Variants in PLEKHM3 observed in about 807,000 individuals in gnomAD.
The protein encoded by PLEKHM3 is pleckstrin homology domain-containing family M member 3.
In PLEKHM3, 45 loss-of-function variants were observed where a neutral mutation model predicts 81.8. The ratio of observed to expected loss-of-function variants is 0.55; its 90% confidence interval spans 0.43 to 0.71. The LOEUF (loss-of-function observed/expected upper bound fraction) is 0.71. Ranked by LOEUF, PLEKHM3 falls within the 30% of genes least tolerant of loss-of-function variation. The pLI, the probability that PLEKHM3 is intolerant of heterozygous loss-of-function variation, is 0.00. For synonymous variants in PLEKHM3, 352 were observed against 356.4 expected (o/e 0.99, Z 0.14); for missense variants, 788 against 924.3 (o/e 0.85, Z 1.91).
chr2:207,848,742 G>A (rs2092397445), intron 7 of PLEKHM3, among the ~76,000 whole-genome samples: 2 of 152,206 alleles, frequency 1.3e-5, no homozygotes, highest in Non-Finnish European at 2.9e-5. Context: ...GAGCAGGGTG[G>A]TATGGATTGC....
intron 7 of PLEKHM3, among the ~76,000 whole-genome samples, chr2:207,858,344 T>C (rs2092448305): frequency 6.6e-6 from 1 of 152,052 alleles, no homozygotes. Context: ...TAACTAATCA[T>C]ATTTTTTTCT....
chr2:207,957,044 G>A (rs77325617), intron 3 of PLEKHM3, among the ~76,000 whole-genome samples: 2,875 of 152,182 alleles, frequency 0.019, 91 homozygotes, highest in African/African-American at 0.065. Flanking sequence ...ACTGACAGAC[G>A]TTGGGGGCAT....
chr2:207,884,311 C>A (rs1417691166), intron 6 of PLEKHM3, among the ~76,000 whole-genome samples: 1 of 152,068 alleles, frequency 6.6e-6, no homozygotes, highest in Non-Finnish European at 1.5e-5. Flanking sequence ...CACATCTATT[C>A]AGTATTTTAC....
chr2:207,920,519 CT>C (rs1689144302), intron 5 of PLEKHM3, among the ~76,000 whole-genome samples: 1 of 152,078 alleles, frequency 6.6e-6, no homozygotes, highest in East Asian at 1.9e-4. Flanking sequence ...TTCTGAAAAG[CT>C]AGTCCAAACA....
chr2:207,895,560 A>G (rs766464058), intron 6 of PLEKHM3, among the ~76,000 whole-genome samples: 1 of 152,048 alleles, frequency 6.6e-6, no homozygotes, highest in African/African-American at 2.4e-5. Context: ...AGCTTCCCTT[A>G]TGGTGCCCCA....
intron 1 of PLEKHM3, among the ~76,000 whole-genome samples, chr2:208,014,650 C>CA (rs1156986412): frequency 6.6e-6 from 1 of 151,978 alleles, no homozygotes; most frequent in Non-Finnish European, 1.5e-5. Context: ...TCTCAAAAAA[C>CA]AAAAAAGAGT....
At chr2:208,016,625 G>C (rs538686372) in intron 1 of PLEKHM3, among the ~76,000 whole-genome samples, 67 of 135,822 alleles carry the variant, frequency 4.9e-4, no homozygotes, top group African/African-American at 1.6e-3. Flanking sequence ...ACTCCAACCT[G>C]GGTGACAGAG....
intron 5 of PLEKHM3, among the ~76,000 whole-genome samples, chr2:207,915,810 T>C (rs1435738679): frequency 6.6e-6 from 1 of 152,248 alleles, no homozygotes; most frequent in Non-Finnish European, 1.5e-5. Context: ...GTAGTTTTAC[T>C]GTCTTCCAAG....
intron 6 of PLEKHM3, among the ~76,000 whole-genome samples, chr2:207,866,192 G>C (rs2092499801): frequency 6.6e-6 from 1 of 151,982 alleles, no homozygotes; most frequent in Non-Finnish European, 1.5e-5. Flanking sequence ...GTCTTGCTCT[G>C]TCACCCAGGC....
intron 3 of PLEKHM3, among the ~76,000 whole-genome samples, chr2:207,954,129 G>A (rs761737140): frequency 4.6e-5 from 7 of 152,092 alleles, no homozygotes; most frequent in South Asian, 4.1e-4. Context: ...CGAGGTTATA[G>A]AGAGCTATGA....
intron 3 of PLEKHM3, among the ~76,000 whole-genome samples, chr2:207,963,780 G>A (rs1008928669): frequency 2.6e-5 from 4 of 152,218 alleles, no homozygotes; most frequent in Admixed American, 2.6e-4. Flanking sequence ...AGAATGTAAA[G>A]AAAACATGGA....
intron 6 of PLEKHM3, among the ~76,000 whole-genome samples, chr2:207,880,788 A>C (rs11689364): frequency 1.7e-5 from 1 of 58,176 alleles, no homozygotes; most frequent in Non-Finnish European, 3.7e-5. Flanking sequence ...AAAAAAAAAA[A>C]CCAAAAAAAC....
At chr2:207,963,131 C>T (rs1034930565) in intron 3 of PLEKHM3, among the ~76,000 whole-genome samples, 2 of 151,986 alleles carry the variant, frequency 1.3e-5, no homozygotes, top group Non-Finnish European at 2.9e-5. Context: ...GTCAGTGTGC[C>T]GGGATGGAGA....
intron 5 of PLEKHM3, among the ~76,000 whole-genome samples, chr2:207,910,798 C>T (rs538488829): frequency 2.6e-5 from 4 of 152,234 alleles, no homozygotes; most frequent in Admixed American, 2.0e-4. Context: ...GGAGAGACTA[C>T]AGACAGGTGA....
chr2:207,929,230 A>T (rs1037369185), intron 5 of PLEKHM3, among the ~76,000 whole-genome samples: 1 of 152,208 alleles, frequency 6.6e-6, no homozygotes, highest in Non-Finnish European at 1.5e-5. Context: ...TAGAACTCCC[A>T]TTTCTTTCCT....
In PLEKHM3 at chr2:207,955,585, T is replaced by C. The variant is rs547874286; in HGVS notation, c.1547-9073A>G. ...TCATTTAATCCTCATACCAATTCTA[T>C]GAGGTAGGTATTATGCCCATTTTAC... On this transcript the variant is annotated intron_variant, in intron 3 of 7. Transcript: ENST00000427836. Among the ~76,000 whole-genome samples, 19 of 152,278 alleles carry C rather than the reference T, an allele frequency of 1.2e-4. No individual in the cohort carries two copies. In the South Asian group the frequency reaches 3.9e-3, roughly 32 times the overall value.
At chr2:207,966,417 C>A (rs1690909522) in intron 3 of PLEKHM3, among the ~76,000 whole-genome samples, 1 of 152,154 alleles carries the variant, frequency 6.6e-6, no homozygotes, top group Admixed American at 6.5e-5. Context: ...CACATAGTAA[C>A]CCTCTTTTCT....
intron 1 of PLEKHM3, among the ~76,000 whole-genome samples, chr2:208,005,068 G>A (rs1044632975): frequency 2.6e-5 from 4 of 151,808 alleles, no homozygotes; most frequent in Non-Finnish European, 4.4e-5. Flanking sequence ...CTGGTGATCC[G>A]CCCACCTTGG....
At chr2:207,914,224 C>T (rs138644862) in intron 5 of PLEKHM3, among the ~76,000 whole-genome samples, 2,982 of 151,290 alleles carry the variant, frequency 0.02, 93 homozygotes, top group African/African-American at 0.068. Context: ...GGCCGGGTGC[C>T]GTGGCTCACG....
Sources: allele counts gnomAD v4.1 joint callset (sites outside exome capture counted in the v4.1 genomes callset), GRCh38; gene constraint gnomAD v4.1.1; transcripts MANE v1.5; gene names NCBI Gene and HGNC (gene_info 2026-07-23, HGNC 2026-07-21).